The following CFAP43 variants were observed in gnomAD, a reference collection of about 807,000 sequenced individuals.
CFAP43 encodes cilia- and flagella-associated protein 43.
CFAP43 carries 155 observed loss-of-function variants against 218.9 expected under a neutral mutation model. That is an observed-to-expected ratio of 0.71 (90% CI 0.62 to 0.81). CFAP43 has a LOEUF of 0.81. Ranked by LOEUF, CFAP43 falls within the 30% of genes least tolerant of loss-of-function variation. The pLI is 0.00. For missense variants in CFAP43, 1,778 were observed against 1,954.3 expected, an observed-to-expected ratio of 0.91 and a Z score of 1.70; for synonymous variants, 645 against 681.3, an observed-to-expected ratio of 0.95 and a Z score of 0.83.
At position 104,166,820 on chromosome 10, in the gene CFAP43, T is replaced by C. The variant is rs1183345966; in HGVS notation, c.2809-102A>G. 5 of 1,040,742 alleles carry C rather than the reference T, an allele frequency of 4.8e-6. No individual in the cohort carries two copies. The African/African-American group carries it at 8.0e-5, about 17-fold the overall frequency. The allele number at this position is 1,040,742 out of a possible 1,614,324, so 64.5% of individuals were successfully genotyped here. On this transcript the variant is annotated intron_variant, in intron 22 of 37. Transcript: ENST00000357060. ...TTATTTCAACAATCATTTTAATTTG[T>C]TGAATTGTCTTGCCAACAACTGAAT...
At position 104,157,775 on chromosome 10, in the gene CFAP43, TGAGAGA is replaced by T. The variant is rs139314213; in HGVS notation, c.3540+3256_3540+3261del. On this transcript the variant is annotated intron_variant, in intron 27 of 37. Coordinates refer to ENST00000357060, the MANE Select transcript of CFAP43 (RefSeq NM_025145.7). ...GTGTGTGTGTGTGTGTGTGTGTGTG[TGAGAGA>T]GAGAGAGAGAGAGAGAGAGAGAGAG... is the stretch of plus-strand genomic sequence containing the variant. Among the ~76,000 whole-genome samples, 204 of 90,148 alleles carry T rather than the reference TGAGAGA, an allele frequency of 2.3e-3. 1 individual carries two copies. The Middle Eastern group carries it at 0.034, about 15-fold the overall frequency. The allele number at this position is 90,148 out of a possible 152,430, so 59.1% of individuals were successfully genotyped here. A position where few individuals can be genotyped will look rare whatever the true frequency, so the allele number is the denominator to read the frequency against.
intron 19 of CFAP43, among the ~76,000 whole-genome samples, chr10:104,177,005 G>C (rs979436895): frequency 3.9e-5 from 6 of 152,104 alleles, no homozygotes; most frequent in Admixed American, 3.9e-4. Flanking sequence ...ATTCACAAGA[G>C]AAGAAATACA....
At chr10:104,130,963 C>A (rs2087153961) in intron 37 of CFAP43, among the ~76,000 whole-genome samples, 1 of 138,726 alleles carries the variant, frequency 7.2e-6, no homozygotes, top group Middle Eastern at 4.0e-3. Context: ...CATACCACTG[C>A]ACTGCAGCTT....
chr10:104,227,883 T>C (rs2091346269), intron 2 of CFAP43, among the ~76,000 whole-genome samples: 1 of 147,764 alleles, frequency 6.8e-6, no homozygotes, highest in South Asian at 2.2e-4. Context: ...AGTCTTGCTA[T>C]GTTGCCAGGC....
At chr10:104,157,877 C>T (rs967346899) in intron 27 of CFAP43, among the ~76,000 whole-genome samples, 1 of 150,890 alleles carries the variant, frequency 6.6e-6, no homozygotes, top group African/African-American at 2.4e-5. Flanking sequence ...ATACCAATTG[C>T]CAGCAAAAGG....
At chr10:104,179,454 T>A (rs577105686) in intron 18 of CFAP43, among the ~76,000 whole-genome samples, 1 of 152,164 alleles carries the variant, frequency 6.6e-6, no homozygotes, top group Non-Finnish European at 1.5e-5. Flanking sequence ...CTGTAATCAG[T>A]CAGTCACCTT....
chr10:104,171,337 T>C (rs1313521418), intron 20 of CFAP43, among the ~76,000 whole-genome samples: 1 of 152,250 alleles, frequency 6.6e-6, no homozygotes, highest in Non-Finnish European at 1.5e-5. Flanking sequence ...TGAGATACTC[T>C]TGTCCTAATT....
At position 104,186,067 on chromosome 10, in the gene CFAP43, A is replaced by G. The variant is rs2090018255; in HGVS notation, c.1917T>C (p.Tyr639=). 2 of 1,593,092 alleles carry G rather than the reference A, an allele frequency of 1.3e-6. No individual in the cohort carries two copies. The highest frequency in any genetic ancestry group is 1.1e-5 in the South Asian group (1 of 87,084). ...AAGACAGATAGAGCAGTCCAGGTCC[A>G]TACTGTCTGCTTTGTACTTTTTTGT... ...KPYKKVQSRQ[Y]GPGLLYLSSH... is the part of the protein sequence containing the mutation. Residue 639 remains tyrosine (Y), a synonymous_variant, in exon 15 of 38, where the codon TAT becomes TAC. Transcript: ENST00000357060.
Position 104,193,875 on chromosome 10 carries a change from T to C in CFAP43, c.1433A>G (p.Gln478Arg), listed in dbSNP as rs1270236067. The C allele has an allele frequency of 1.2e-6, 2 of 1,614,092 alleles. No homozygotes were observed. The highest frequency in any genetic ancestry group is 4.5e-5 in the East Asian group (2 of 44,886). Residue 478 changes from glutamine (Q) to arginine (R), a missense_variant, in exon 11 of 38, where the codon CAG becomes CGG. Physicochemically the swap from Gln to Arg is conservative, Grantham distance 43 (BLOSUM62 1). This residue lies in a region of CFAP43 where 1,553 missense variants were observed against 1,685.2 expected (regional missense o/e 0.92). Coordinates refer to ENST00000357060, the MANE Select transcript of CFAP43 (RefSeq NM_025145.7). ...GGCAGAAAGGACTTACACGACGTGCTGCACGGACGATTCCGAGAGAAAGGC... is the reference window on the plus strand; with the variant it reads ...GGCAGAAAGGACTTACACGACGTGCCGCACGGACGATTCCGAGAGAAAGGC... ...HKAFLSESSV[Q>R]HVVYDQQGIF...
At chr10:104,208,748 T>C (rs1049399579) in intron 5 of CFAP43, among the ~76,000 whole-genome samples, 4 of 152,164 alleles carry the variant, frequency 2.6e-5, no homozygotes, top group Non-Finnish European at 5.9e-5. Context: ...TTTCAAAATA[T>C]TTGAGTCTCT....
At chr10:104,231,526 G>A (rs1042593445) in intron 1 of CFAP43, among the ~76,000 whole-genome samples, 27 of 152,172 alleles carry the variant, frequency 1.8e-4, no homozygotes, top group African/African-American at 6.0e-4. Context: ...AGGTATGCTT[G>A]AAGATGGTGG....
Position 104,203,777 on chromosome 10 carries a change from A to G in CFAP43, c.990T>C (p.Ile330=). 1 of 1,605,684 alleles carries G rather than the reference A, an allele frequency of 6.2e-7. No homozygotes were observed. The highest frequency in any genetic ancestry group is 1.1e-5 in the South Asian group (1 of 88,740). Residue 330 remains isoleucine (I), a synonymous_variant, in exon 8 of 38, where the codon ATT becomes ATC. Transcript: ENST00000357060. ...CCTCGATCATGTAACTTCTATCTTT[A>G]ATAATAAAAGAATACACAAAGCCAT... ...GIDGFVYSFI[I]KDRSYMIEDF... is the part of the protein sequence containing the mutation.
Position 104,129,950 on chromosome 10 carries a change from CATTT to C in CFAP43, c.*185_*188del. On this transcript the variant is annotated 3_prime_UTR_variant, in exon 38 of 38. Coordinates refer to ENST00000357060, the MANE Select transcript of CFAP43 (RefSeq NM_025145.7). The stretch of plus-strand genomic sequence containing the variant: ...AAACAGCAATTCATGGTATTTTACA[CATTT>C]ATTCATGCAGGACAAAAATTTGTAT... 1.8e-6 allele frequency: 1 copy of C among 557,640 alleles called. No individual in the cohort carries two copies. The highest frequency in any genetic ancestry group is 2.9e-6 in the Non-Finnish European group (1 of 340,026). 34.5% of individuals were successfully genotyped at this position (557,640 alleles called of 1,614,324 possible).
chr10:104,224,926 A>T (rs2091272601), intron 3 of CFAP43, among the ~76,000 whole-genome samples: 1 of 152,120 alleles, frequency 6.6e-6, no homozygotes, highest in African/African-American at 2.4e-5. Flanking sequence ...TATATCATGG[A>T]TAGAAAAGGG....
intron 2 of CFAP43, among the ~76,000 whole-genome samples, chr10:104,228,437 T>G (rs2091360909): frequency 6.6e-6 from 1 of 152,178 alleles, no homozygotes; most frequent in Non-Finnish European, 1.5e-5. Context: ...TACTTCTAAT[T>G]ACTATGGCAC....
intron 23 of CFAP43, 149 bp from the exon 24 acceptor site, chr10:104,164,449 G>A: frequency 1.6e-6 from 1 of 627,944 alleles, no homozygotes; most frequent in Non-Finnish European, 2.7e-6. Context: ...CCAGGCTGGA[G>A]TGCAGTGGCA....
rs1407160907 is a variant in CFAP43 at position 104,188,343 on chromosome 10, C to G, written c.1614G>C (p.Met538Ile). ...SLLETDIVEVMVLSSLPEAGR... is the reference protein window; with the variant it reads ...SLLETDIVEVIVLSSLPEAGR... ...CTGCTTCTGGAAGCGAGGAAAGCAC[C>G]ATCACTTCCACTATGTCTGTTTCTA... is the stretch of plus-strand genomic sequence containing the variant. Residue 538 changes from methionine to isoleucine, a missense_variant, in exon 13 of 38, where the codon ATG (methionine) becomes ATC (isoleucine). Coordinates refer to ENST00000357060, the MANE Select transcript of CFAP43 (RefSeq NM_025145.7). 9.9e-6 allele frequency: 16 copies of G among 1,613,994 alleles called. No individual in the cohort carries two copies. Among genetic ancestry groups the G allele is most frequent in the Non-Finnish European group, 1.2e-5 (14 of 1,180,020 alleles).
At chr10:104,158,651 G>T (rs1564734962) in intron 27 of CFAP43, among the ~76,000 whole-genome samples, 2 of 152,154 alleles carry the variant, frequency 1.3e-5, no homozygotes, top group Admixed American at 6.6e-5. Context: ...AATAAAAAAA[G>T]TTATGAAGGA....
At chr10:104,231,211 C>T (rs970994868) in intron 1 of CFAP43, among the ~76,000 whole-genome samples, 10 of 152,158 alleles carry the variant, frequency 6.6e-5, no homozygotes, top group African/African-American at 2.4e-4. Context: ...CAGTGGCATC[C>T]TGGGCCATTC....
Sources: gnomAD v4.1 joint callset for allele counts (sites outside exome capture counted in the v4.1 genomes callset) on GRCh38, gnomAD v4.1.1 for gene constraint, gnomAD v4.1.1 regional missense constraint, MANE v1.5 for transcripts, NCBI Gene and HGNC (gene_info 2026-07-23, HGNC 2026-07-21) for gene names.